The following SYNC variants were observed in gnomAD, a reference collection of about 807,000 sequenced individuals.
SYNC encodes the protein syncoilin, intermediate filament protein.
A neutral mutation model predicts 49.5 loss-of-function variants in SYNC; 38 were observed. That is an observed-to-expected ratio of 0.77 (90% CI 0.59 to 1.01). SYNC has a LOEUF of 1.01. Ranked by LOEUF, SYNC falls within the 50% of genes least tolerant of loss-of-function variation. SYNC has a pLI of 0.00. For synonymous variants in SYNC, 201 were observed against 230.8 expected (o/e 0.87, Z 1.17); for missense variants, 579 against 580.6 (o/e 1.00, Z 0.03).
At chr1:32,699,686 A>G (rs1340963283) in intron 1 of SYNC, among the ~76,000 whole-genome samples, 6 of 150,962 alleles carry the variant, frequency 4.0e-5, no homozygotes, top group Non-Finnish European at 7.4e-5. Flanking sequence ...CCAAATTGCT[A>G]CGCATGGTTT....
intron 4 of SYNC, 35 bp downstream of exon 4, chr1:32,683,975 A>G (rs1557867797): frequency 1.3e-6 from 2 of 1,598,690 alleles, no homozygotes; most frequent in South Asian, 1.1e-5. Context: ...AAGCAGTAAC[A>G]ATGCAAACAC....
intron 2 of SYNC, among the ~76,000 whole-genome samples, chr1:32,692,390 T>C (rs1650208170): frequency 6.6e-6 from 1 of 152,158 alleles, no homozygotes; most frequent in Non-Finnish European, 1.5e-5. Context: ...ATAAATGACT[T>C]TTCACTAGAC....
intron 1 of SYNC, among the ~76,000 whole-genome samples, chr1:32,701,123 C>T (rs1650649859): frequency 6.6e-6 from 1 of 152,064 alleles, no homozygotes; most frequent in African/African-American, 2.4e-5. Flanking sequence ...CCATGTTGGC[C>T]GGGCTGGTCT....
At position 32,695,653 on chromosome 1, in the gene SYNC, A is replaced by G. The variant is rs540553869; in HGVS notation, c.445T>C (p.Ser149Pro). The change falls in exon 2 of 5, where the codon TCT (serine) becomes CCT (proline). Residue 149 changes from serine to proline, a missense_variant. Ser to Pro is a moderately conservative substitution (Grantham distance 74). Coordinates refer to ENST00000409190, the MANE Select transcript of SYNC (RefSeq NM_030786.3). ...EGETVTRAEK[S>P]NPEESLRAEQ... is the part of the protein sequence containing the mutation. ...GCTCTGAGGCTCTCCTCAGGGTTAGATTTCTCCGCCCTTGTGACTGTCTCT... is the reference window on the plus strand; with the variant it reads ...GCTCTGAGGCTCTCCTCAGGGTTAGGTTTCTCCGCCCTTGTGACTGTCTCT... 2.9e-5 allele frequency: 45 copies of G among 1,551,194 alleles called. No individual in the cohort carries two copies. The highest frequency in any genetic ancestry group is 3.7e-5 in the Non-Finnish European group (42 of 1,146,954).
rs952802512 is a variant in SYNC at position 32,702,770 on chromosome 1, C to T, written c.-110G>A. 4 of 938,050 alleles carry T rather than the reference C, an allele frequency of 4.3e-6. No homozygotes were observed. The highest frequency in any genetic ancestry group is 4.9e-4 in the Middle Eastern group (1 of 2,050). The allele number at this position is 938,050 out of a possible 1,614,324, so 58.1% of individuals were successfully genotyped here. ...GCCAGCTGCAACCGACACCGGATCC[C>T]GGCCGGCCCCGGGCCGGGCGCGCCC... On this transcript the variant is annotated 5_prime_UTR_variant, in exon 1 of 5. Transcript: ENST00000409190. The surrounding 1 kb of genome is among the most constrained non-coding windows in gnomAD (Gnocchi z 6.2).
rs751990647 is a variant in SYNC, at chr1:32,681,825, G to A, written c.*25C>T. The A allele has an allele frequency of 4.3e-6, 7 of 1,613,976 alleles. No homozygotes were observed. Among genetic ancestry groups the A allele is most frequent in the South Asian group, 2.2e-5 (2 of 91,074 alleles). On this transcript the variant is annotated 3_prime_UTR_variant, in exon 5 of 5. Transcript: ENST00000409190. ...TGCTAAGAAGTTTTTTGCTGTTTCCGGGTTACAGATTTGGCCATATATTTC... is the reference window on the plus strand; with the variant it reads ...TGCTAAGAAGTTTTTTGCTGTTTCCAGGTTACAGATTTGGCCATATATTTC...
At chr1:32,700,028 G>A (rs983285684) in intron 1 of SYNC, among the ~76,000 whole-genome samples, 6 of 151,688 alleles carry the variant, frequency 4.0e-5, no homozygotes, top group Admixed American at 2.0e-4. Context: ...CACCACACCC[G>A]GCCCCAAACA....
chr1:32,689,708 C>T (rs987264939), intron 2 of SYNC, among the ~76,000 whole-genome samples: 1 of 151,604 alleles, frequency 6.6e-6, no homozygotes, highest in South Asian at 2.1e-4. Context: ...TTTGGGAAGC[C>T]GAGGCGGGCA....
intron 1 of SYNC, among the ~76,000 whole-genome samples, chr1:32,699,153 C>CTTTTTTTTTTT (rs61577689): frequency 2.9e-5 from 3 of 104,046 alleles, no homozygotes; most frequent in Non-Finnish European, 5.4e-5. Flanking sequence ...CTTTTCTTTT[C>CTTTTTTTTTTT]TTTTTTTTTT....
Position 32,695,910 on chromosome 1 carries a change from T to C in SYNC, c.188A>G (p.Asp63Gly), listed in dbSNP as rs901127192. 6.4e-6 allele frequency: 10 copies of C among 1,551,866 alleles called. No homozygotes were observed. Among genetic ancestry groups the C allele is most frequent in the Middle Eastern group, 3.3e-4 (2 of 5,994 alleles). Residue 63 changes from aspartate to glycine, a missense_variant, in exon 2 of 5, where the codon GAC becomes GGC. Physicochemically the swap from Asp to Gly is moderately conservative, Grantham distance 94 (BLOSUM62 -1). Transcript: ENST00000409190. ...LNLEDILYLE[D>G]TGDLDETLYV... ...GAGTGTCTCATCAAGGTCACCTGTG[T>C]CCTCCAGGTAGAGAATGTCTTCGAG...
At position 32,688,928 on chromosome 1, in the gene SYNC, A is replaced by AAC. The variant is rs1320323919; in HGVS notation, c.1234-4548_1234-4547dup. Among the ~76,000 whole-genome samples, 5 of 149,208 alleles carry AAC rather than the reference A, an allele frequency of 3.4e-5. No homozygotes were observed. The East Asian group carries it at 1.0e-3, about 30-fold the overall frequency. ...GGCAGGAGCATTACCCCCACCCCGC[A>AAC]ACACACACACACTTTTTTTTTTCTT... On this transcript the variant is annotated intron_variant, in intron 2 of 4. Transcript: ENST00000409190.
intron 1 of SYNC, among the ~76,000 whole-genome samples, chr1:32,696,352 T>A (rs2148561059): frequency 6.6e-6 from 1 of 152,252 alleles, no homozygotes; most frequent in South Asian, 2.1e-4. Flanking sequence ...TCCCGCTGTA[T>A]TGCCGAGGCT....
intron 2 of SYNC, among the ~76,000 whole-genome samples, chr1:32,692,831 C>A (rs1225020039): frequency 4.6e-5 from 7 of 151,716 alleles, no homozygotes; most frequent in Admixed American, 2.6e-4. Flanking sequence ...ATGGTGAAAC[C>A]CCATCTCTAC....
Position 32,681,662 on chromosome 1 carries a change from TC to T in SYNC, c.*187del. ...AGAATCCAGCAAAGAGTTGACATGT[TC>T]TGCCTCCGGCCAACTCTAGAATCTT... On this transcript the variant is annotated 3_prime_UTR_variant, in exon 5 of 5. Transcript: ENST00000409190. 1.3e-6 allele frequency: 1 copy of T among 776,530 alleles called. No individual in the cohort carries two copies. The highest frequency in any genetic ancestry group is 2.1e-6 in the Non-Finnish European group (1 of 468,052). 48.1% of individuals were successfully genotyped at this position (776,530 alleles called of 1,614,324 possible). A position where few individuals can be genotyped will look rare whatever the true frequency, so the allele number is the denominator to read the frequency against.
chr1:32,684,526 A>G, intron 2 of SYNC, 144 bp from the exon 3 acceptor site: 1 of 1,230,594 alleles, frequency 8.1e-7, no homozygotes, highest in South Asian at 1.6e-5. Flanking sequence ...AGGTTATGAA[A>G]CAGGTTCAAA....
At chr1:32,687,855 A>ATTATTATTTTTTT (rs1649953007) in intron 2 of SYNC, among the ~76,000 whole-genome samples, 1 of 135,516 alleles carries the variant, frequency 7.4e-6, no homozygotes, top group African/African-American at 2.7e-5. Flanking sequence ...TATTATTATT[A>ATTATTATTTTTTT]TTATTATTTT....
chr1:32,683,425 G>A (rs914716665), intron 4 of SYNC: 3 of 152,246 alleles, frequency 2.0e-5, no homozygotes, highest in African/African-American at 7.2e-5. Flanking sequence ...AAGGAAAACT[G>A]AGAATAGCAG....
chr1:32,682,171 G>T (rs776217309), intron 4 of SYNC: 2 of 310,358 alleles, frequency 6.4e-6, no homozygotes, highest in Admixed American at 4.8e-5. Context: ...CAACACAAAG[G>T]TAGTTAGTAG....
At position 32,695,446 on chromosome 1, in the gene SYNC, T is replaced by C. The variant is rs912595669; in HGVS notation, c.652A>G (p.Ile218Val). 1.3e-5 allele frequency: 20 copies of C among 1,551,584 alleles called. No homozygotes were observed. Among genetic ancestry groups the C allele is most frequent in the Admixed American group, 2.0e-5 (1 of 50,884 alleles). ...LQEVQQVHQD[I>V]LAAYKLHAQA... ...GCATGGAGCTTGTAGGCAGCCAGGA[T>C]GTCTTGATGGACTTGCTGTACCTCC... Residue 218 changes from isoleucine to valine, a missense_variant, in exon 2 of 5, where the codon ATC (isoleucine) becomes GTC (valine). Transcript: ENST00000409190.
Sources: allele counts gnomAD v4.1 joint callset (sites outside exome capture counted in the v4.1 genomes callset), GRCh38; gene constraint gnomAD v4.1.1; non-coding constraint Gnocchi (gnomAD v3.1); transcripts MANE v1.5; gene names NCBI Gene and HGNC (gene_info 2026-07-23, HGNC 2026-07-21).